Variants in TTC3 observed in about 807,000 individuals in gnomAD.
TTC3 encodes the protein E3 ubiquitin-protein ligase TTC3.
In TTC3, 180 loss-of-function variants were observed where a neutral mutation model predicts 249.6. That is an observed-to-expected ratio of 0.72 (90% CI 0.64 to 0.82). TTC3 has a LOEUF of 0.82. TTC3 is among the 40% of genes least tolerant of loss of function. The pLI is 0.00. For missense variants in TTC3, 2,061 were observed against 2,398.4 expected (o/e 0.86, Z 2.94); for synonymous variants, 717 against 805.0 (o/e 0.89, Z 1.85).
chr21:37,202,279 A>G (rs1406689334), exon 46 of TTC3: 2 of 152,192 alleles, frequency 1.3e-5, no homozygotes, highest in African/African-American at 4.8e-5. Flanking sequence ...ACACTTTTTA[A>G]TTAGTATCGA....
At chr21:37,169,983 A>G (rs1373713494) in intron 34 of TTC3, among the ~76,000 whole-genome samples, 5 of 152,188 alleles carry the variant, frequency 3.3e-5, no homozygotes, top group Admixed American at 2.6e-4. Flanking sequence ...TCCTTATACC[A>G]AAATAAGTTC....
At chr21:37,189,013 A>G (rs901163827) in intron 39 of TTC3, among the ~76,000 whole-genome samples, 13 of 152,196 alleles carry the variant, frequency 8.5e-5, no homozygotes, top group African/African-American at 2.9e-4. Context: ...GTGTTAATAT[A>G]AGCCACCCTG....
intron 7 of TTC3, among the ~76,000 whole-genome samples, chr21:37,091,798 A>T (rs2147693654): frequency 6.6e-6 from 1 of 152,228 alleles, no homozygotes; most frequent in African/African-American, 2.4e-5. Flanking sequence ...CACCAGGTTG[A>T]TCTCGATCTC....
chr21:37,194,761 A>AT (rs764726929), intron 41 of TTC3: 1 of 152,212 alleles, frequency 6.6e-6, no homozygotes, highest in Non-Finnish European at 1.5e-5. Flanking sequence ...GGGTCTCAGA[A>AT]TGTATCCCTG....
chr21:37,167,755 C>G, intron 34 of TTC3, 135 bp downstream of exon 34: 2 of 493,918 alleles, frequency 4.0e-6, no homozygotes, highest in South Asian at 7.7e-5. Context: ...GAGAACATAA[C>G]AAAAAAATGA....
At position 37,114,157 on chromosome 21, in the gene TTC3, G is replaced by C. The variant is rs201975895; in HGVS notation, c.900+5711G>C. ...GGACTTCATGTCTAAAACACCAAAAGCAATGGCAACAAAAGCCAAAATTGA... is the reference window on the plus strand; with the variant it reads ...GGACTTCATGTCTAAAACACCAAAACCAATGGCAACAAAAGCCAAAATTGA... On this transcript the variant is annotated intron_variant, in intron 11 of 45. Coordinates refer to ENST00000355666, the Ensembl canonical transcript of TTC3. 2.8e-3 allele frequency among the ~76,000 whole-genome samples: 422 copies of C among 152,210 alleles called. 7 individuals carry two copies. In the East Asian group the frequency reaches 0.032, roughly 12 times the overall value.
In TTC3 at chr21:37,162,108, C is replaced by G. The variant is rs1251621692; in HGVS notation, c.3170+45C>G. ...TTTTGCTTCATTTTAACTCAAATGTCTTTACTTAATAAGTTGTGTTAATTT... is the reference window on the plus strand; with the variant it reads ...TTTTGCTTCATTTTAACTCAAATGTGTTTACTTAATAAGTTGTGTTAATTT... On this transcript the variant is annotated intron_variant, in intron 31 of 45. Transcript: ENST00000355666. 3 of 1,189,752 alleles carry G rather than the reference C, an allele frequency of 2.5e-6. No homozygotes were observed. In the African/African-American group the frequency reaches 4.6e-5, roughly 18 times the overall value. The allele number at this position is 1,189,752 out of a possible 1,614,324, so 73.7% of individuals were successfully genotyped here.
rs1009846817 is a variant in TTC3, at chr21:37,170,186, A to G, written c.4468-2409A>G. 6.6e-5 allele frequency among the ~76,000 whole-genome samples: 10 copies of G among 152,248 alleles called. No homozygotes were observed. The East Asian group carries it at 1.9e-3, about 29-fold the overall frequency. Reference sequence around the variant, plus strand: ...ACAACAAATACATACACATACACATATCAAAACACAGGAGAGAAACAAGGA... The same window carrying G: ...ACAACAAATACATACACATACACATGTCAAAACACAGGAGAGAAACAAGGA... On this transcript the variant is annotated intron_variant, in intron 34 of 45. Coordinates refer to ENST00000355666, the Ensembl canonical transcript of TTC3.
At chr21:37,076,848 C>G (rs981085927) in intron 1 of TTC3, among the ~76,000 whole-genome samples, 1 of 151,702 alleles carries the variant, frequency 6.6e-6, no homozygotes, top group Non-Finnish European at 1.5e-5. Context: ...ATTACAGGCG[C>G]GCACCACCAC....
intron 25 of TTC3, among the ~76,000 whole-genome samples, chr21:37,151,465 T>G (rs1211751593): frequency 1.3e-5 from 2 of 152,172 alleles, no homozygotes; most frequent in Non-Finnish European, 2.9e-5. Flanking sequence ...ATGAACAGAA[T>G]TATTTGTTGG....
At chr21:37,163,500 G>A (rs528431750) in intron 31 of TTC3, among the ~76,000 whole-genome samples, 27 of 152,222 alleles carry the variant, frequency 1.8e-4, no homozygotes, top group Non-Finnish European at 2.5e-4. Context: ...ACAGCCATGC[G>A]CCATGACGCC....
At chr21:37,095,855 A>G (rs952528751) in intron 9 of TTC3, among the ~76,000 whole-genome samples, 2 of 152,242 alleles carry the variant, frequency 1.3e-5, no homozygotes, top group Non-Finnish European at 2.9e-5. Flanking sequence ...AGGATAATTG[A>G]GAGAATGCAT....
chr21:37,104,999 A>T (rs2074936121), intron 10 of TTC3, among the ~76,000 whole-genome samples: 1 of 152,200 alleles, frequency 6.6e-6, no homozygotes, highest in Non-Finnish European at 1.5e-5. Flanking sequence ...GGCCAATTGG[A>T]GAAGGATGAG....
chr21:37,173,269 G>A (rs952584014), intron 35 of TTC3, among the ~76,000 whole-genome samples: 5 of 152,110 alleles, frequency 3.3e-5, no homozygotes, highest in Admixed American at 6.5e-5. Context: ...AAACTGCCTC[G>A]TTAGTAAGGA....
intron 17 of TTC3, among the ~76,000 whole-genome samples, chr21:37,133,372 T>C (rs2077639210): frequency 6.6e-6 from 1 of 152,298 alleles, no homozygotes; most frequent in South Asian, 2.1e-4. Flanking sequence ...ATAACAGATA[T>C]TTTACAAAGA....
chr21:37,182,642 A>G lies in TTC3; in HGVS notation c.4618-132A>G, dbSNP rs2082863460. 4 of 932,166 alleles carry G rather than the reference A, an allele frequency of 4.3e-6. No individual in the cohort carries two copies. The South Asian group carries it at 6.1e-5, about 14-fold the overall frequency. 57.7% of individuals were successfully genotyped at this position (932,166 alleles called of 1,614,324 possible). A position where few individuals can be genotyped will look rare whatever the true frequency, so the allele number is the denominator to read the frequency against. On this transcript the variant is annotated intron_variant, in intron 35 of 45. Coordinates refer to ENST00000355666, the Ensembl canonical transcript of TTC3. ...GGGGCATAGTCTGCCACAGGGCGCC[A>G]GCTTGGGAGTGTGTTCCACTGAACT...
At chr21:37,109,729 G>A (rs551454996) in intron 11 of TTC3, among the ~76,000 whole-genome samples, 16 of 152,336 alleles carry the variant, frequency 1.1e-4, no homozygotes, top group African/African-American at 2.4e-4. Context: ...CTCCCAGCAC[G>A]CAGCTTGAGA....
chr21:37,151,836 A>G, intron 25 of TTC3, 57 bp from the exon 26 acceptor site: 2 of 1,483,228 alleles, frequency 1.3e-6, no homozygotes, highest in Non-Finnish European at 1.8e-6. Flanking sequence ...GATGGTTTCT[A>G]CGATAGTCAA....
chr21:37,152,441 C>T (rs1249787225), intron 26 of TTC3, among the ~76,000 whole-genome samples: 1 of 146,606 alleles, frequency 6.8e-6, no homozygotes, highest in Non-Finnish European at 1.5e-5. Flanking sequence ...GGCTGGAGTG[C>T]AGTGGCGCGA....
Sources: gnomAD v4.1 joint callset for allele counts (sites outside exome capture counted in the v4.1 genomes callset) on GRCh38, gnomAD v4.1.1 for gene constraint, MANE v1.5 for transcripts, NCBI Gene and HGNC (gene_info 2026-07-23, HGNC 2026-07-21) for gene names.